HS6ST3: variants seen among roughly 807,000 people sequenced by gnomAD.
The protein encoded by HS6ST3 is heparan-sulfate 6-O-sulfotransferase 3.
A neutral mutation model predicts 36.7 loss-of-function variants in HS6ST3; 12 were observed. That is an observed-to-expected ratio of 0.33 (90% CI 0.21 to 0.53). HS6ST3 has a LOEUF of 0.53. HS6ST3 is among the 20% of genes least tolerant of loss of function. The probability of loss-of-function intolerance (pLI) is 0.95; values close to 1 mark genes in which losing one functional copy is unlikely to be tolerated. For synonymous variants in HS6ST3, 240 were observed against 257.5 expected (o/e 0.93, Z 0.65); for missense variants, 584 against 640.9 (o/e 0.91, Z 0.96).
At chr13:96,154,489 T>A (rs181693163) in intron 1 of HS6ST3, among the ~76,000 whole-genome samples, 1 of 152,316 alleles carries the variant, frequency 6.6e-6, no homozygotes, top group Non-Finnish European at 1.5e-5. Flanking sequence ...ATGATGGTGA[T>A]TTCACTATTC....
chr13:96,420,192 T>C (rs1219248341), intron 1 of HS6ST3, among the ~76,000 whole-genome samples: 1 of 152,168 alleles, frequency 6.6e-6, no homozygotes, highest in Non-Finnish European at 1.5e-5. Flanking sequence ...CTAACCAGCT[T>C]CATTCTGGCT....
chr13:96,247,716 C>T (rs573944765), intron 1 of HS6ST3, among the ~76,000 whole-genome samples: 77 of 152,156 alleles, frequency 5.1e-4, no homozygotes, highest in Admixed American at 4.5e-3. Flanking sequence ...TCCTCCTTCC[C>T]TTCCTTTTTG....
chr13:96,109,414 G>A (rs1020976314), intron 1 of HS6ST3, among the ~76,000 whole-genome samples: 1 of 152,164 alleles, frequency 6.6e-6, no homozygotes, highest in South Asian at 2.1e-4. Flanking sequence ...ACCACTTGTG[G>A]TTTTGATGAG....
rs547888621 is a variant in HS6ST3, at chr13:96,361,874, T to G, written c.707+270305T>G. Among the ~76,000 whole-genome samples the G allele has an allele frequency of 7.2e-5, 11 of 152,322 alleles. No homozygotes were observed. The South Asian group carries it at 2.3e-3, about 32-fold the overall frequency. On this transcript the variant is annotated intron_variant, in intron 1 of 1. Transcript: ENST00000376705. The stretch of plus-strand genomic sequence containing the variant: ...TTGTTTGAAAAACATTACAATCTTA[T>G]TTTTTATGATTTTCTAGATCAGTGG...
intron 1 of HS6ST3, among the ~76,000 whole-genome samples, chr13:96,382,947 A>C (rs576827836): frequency 6.6e-6 from 1 of 152,324 alleles, no homozygotes; most frequent in African/African-American, 2.4e-5. Context: ...ACATATGTAA[A>C]ATATTTTCAT....
At chr13:96,508,369 G>A (rs916325263) in intron 1 of HS6ST3, among the ~76,000 whole-genome samples, 42 of 151,796 alleles carry the variant, frequency 2.8e-4, no homozygotes, top group African/African-American at 1.0e-3. Context: ...ACAACCCCTG[G>A]CATAATTTTC....
At chr13:96,198,016 G>A (rs560514479) in intron 1 of HS6ST3, among the ~76,000 whole-genome samples, 1 of 152,334 alleles carries the variant, frequency 6.6e-6, no homozygotes, top group South Asian at 2.1e-4. Flanking sequence ...GGGCATCCAG[G>A]TACTTCCATA....
chr13:96,329,074 TTTTC>T (rs1321225769), intron 1 of HS6ST3, among the ~76,000 whole-genome samples: 2 of 150,996 alleles, frequency 1.3e-5, no homozygotes, highest in African/African-American at 4.9e-5. Flanking sequence ...TTCTCTCTTT[TTTTC>T]TTTATTAGTC....
chr13:96,207,839 A>G (rs1214583786), intron 1 of HS6ST3, among the ~76,000 whole-genome samples: 1 of 152,102 alleles, frequency 6.6e-6, no homozygotes, highest in Non-Finnish European at 1.5e-5. Context: ...AGTTGGTGCC[A>G]TGGGGGAAGG....
chr13:96,546,718 T>C (rs1229760526), intron 1 of HS6ST3, among the ~76,000 whole-genome samples: 1 of 152,184 alleles, frequency 6.6e-6, no homozygotes, highest in African/African-American at 2.4e-5. Flanking sequence ...TTCTTCCTTT[T>C]AATGTAAGAG....
At chr13:96,630,182 C>T (rs2056527127) in intron 1 of HS6ST3, among the ~76,000 whole-genome samples, 1 of 152,000 alleles carries the variant, frequency 6.6e-6, no homozygotes, top group South Asian at 2.1e-4. Flanking sequence ...GTGCTATGGA[C>T]TTAACATATG....
At chr13:96,804,296 A>G (rs1170202447) in intron 1 of HS6ST3, among the ~76,000 whole-genome samples, 2 of 152,208 alleles carry the variant, frequency 1.3e-5, no homozygotes, top group Admixed American at 1.3e-4. Context: ...TGTGGTGCAG[A>G]TGGCAGCCCC....
intron 1 of HS6ST3, among the ~76,000 whole-genome samples, chr13:96,128,303 G>A (rs1157139097): frequency 4.6e-5 from 7 of 152,208 alleles, no homozygotes. Flanking sequence ...GCATAGCAGT[G>A]TGGTGGCCCA....
intron 1 of HS6ST3, among the ~76,000 whole-genome samples, chr13:96,562,849 G>A (rs1301290167): frequency 6.6e-6 from 1 of 152,028 alleles, no homozygotes; most frequent in African/African-American, 2.4e-5. Flanking sequence ...TTAGAGCTCT[G>A]AAAGCATCTC....
At chr13:96,564,309 T>G (rs1352383102) in intron 1 of HS6ST3, among the ~76,000 whole-genome samples, 1 of 152,202 alleles carries the variant, frequency 6.6e-6, no homozygotes, top group Non-Finnish European at 1.5e-5. Flanking sequence ...GCAACTCTTT[T>G]GTCTTATAAA....
At chr13:96,299,191 T>A (rs969549605) in intron 1 of HS6ST3, among the ~76,000 whole-genome samples, 1 of 152,294 alleles carries the variant, frequency 6.6e-6, no homozygotes, top group Non-Finnish European at 1.5e-5. Flanking sequence ...AATCTATTGG[T>A]TGCAGTAACC....
intron 1 of HS6ST3, among the ~76,000 whole-genome samples, chr13:96,823,792 G>C (rs976000736): frequency 6.6e-6 from 1 of 152,068 alleles, no homozygotes. Flanking sequence ...GCTACTTTTT[G>C]TATTTTTAGT....
intron 1 of HS6ST3, among the ~76,000 whole-genome samples, chr13:96,153,472 G>A (rs928650730): frequency 6.6e-6 from 1 of 152,086 alleles, no homozygotes; most frequent in South Asian, 2.1e-4. Flanking sequence ...CTGAGCCAGG[G>A]TTCTTTTATT....
At chr13:96,819,861 C>A (rs535134800) in intron 1 of HS6ST3, among the ~76,000 whole-genome samples, 7 of 152,106 alleles carry the variant, frequency 4.6e-5, no homozygotes, top group East Asian at 1.9e-4. Flanking sequence ...TGAGACCAGT[C>A]TGTCACATGG....
Sources: allele counts gnomAD v4.1 joint callset (sites outside exome capture counted in the v4.1 genomes callset), GRCh38; gene constraint gnomAD v4.1.1; transcripts MANE v1.5; gene names NCBI Gene and HGNC (gene_info 2026-07-23, HGNC 2026-07-21).